Variants in LINGO2 observed in about 807,000 individuals in gnomAD.
LINGO2 encodes leucine-rich repeat and immunoglobulin-like domain-containing nogo receptor-interacting protein 2.
In LINGO2, 14 loss-of-function variants were observed where a neutral mutation model predicts 30.6. The observed-to-expected ratio is 0.46, with a 90% CI of 0.30 to 0.72. LINGO2 has a LOEUF of 0.72. Ranked by LOEUF, LINGO2 falls within the 30% of genes least tolerant of loss-of-function variation. The pLI is 0.07. For missense variants in LINGO2, 729 were observed against 751.7 expected (o/e 0.97, Z 0.35); for synonymous variants, 317 against 288.5 (o/e 1.10, Z -1.00).
intron 4 of LINGO2, among the ~76,000 whole-genome samples, chr9:28,288,100 C>T (rs528674570): frequency 6.6e-6 from 1 of 152,226 alleles, no homozygotes; most frequent in South Asian, 2.1e-4. Context: ...CCTACTTCCG[C>T]CCCACCCTTT....
In LINGO2 at chr9:28,396,722, T is replaced by A. The variant is rs1482908228; in HGVS notation, c.-278-23854A>T. 3.4e-3 allele frequency among the ~76,000 whole-genome samples: 119 copies of A among 34,606 alleles called. 2 individuals carry two copies. The highest frequency in any genetic ancestry group is 0.01 in the African/African-American group (111 of 11,030). The allele number at this position is 34,606 out of a possible 152,430, so 22.7% of individuals were successfully genotyped here. On this transcript the variant is annotated intron_variant, in intron 2 of 5. Coordinates refer to ENST00000379992, the Ensembl canonical transcript of LINGO2. ...CCATCTCAAAAAAAAAAAAAAAAAG[T>A]CCTGACCAAATCAAAGGGTCATCCA...
At chr9:28,696,654 G>C in the LINGO2 span, among the ~76,000 whole-genome samples, 1 of 151,826 alleles carries the variant, frequency 6.6e-6, no homozygotes, top group East Asian at 1.9e-4. Flanking sequence ...TATTAAGATA[G>C]GAGGATTAAG....
chr9:28,326,037 C>T (rs577866807), intron 3 of LINGO2, among the ~76,000 whole-genome samples: 5 of 152,298 alleles, frequency 3.3e-5, no homozygotes, highest in South Asian at 2.1e-4. Flanking sequence ...GACAAAGTCT[C>T]GCTCTGTCGC....
At chr9:28,172,034 C>CAA (rs11421803) in intron 4 of LINGO2, among the ~76,000 whole-genome samples, 2,296 of 98,702 alleles carry the variant, frequency 0.023, 127 homozygotes, top group African/African-American at 0.076. Flanking sequence ...AAAAAAAAAA[C>CAA]AAAAAAAAAA....
At chr9:29,180,490 T>G in the LINGO2 span, among the ~76,000 whole-genome samples, 2 of 152,174 alleles carry the variant, frequency 1.3e-5, no homozygotes, top group Non-Finnish European at 2.9e-5. Flanking sequence ...AAATCCAGAC[T>G]ACTGTAGCAG....
intron 1 of LINGO2, among the ~76,000 whole-genome samples, chr9:28,612,001 TA>T (rs1825939718): frequency 6.6e-6 from 1 of 151,924 alleles, no homozygotes. Context: ...TTTGTATTCT[TA>T]GTAGAGACAG....
intron 1 of LINGO2, among the ~76,000 whole-genome samples, chr9:28,494,071 T>G (rs1243347836): frequency 1.3e-5 from 2 of 152,170 alleles, no homozygotes; most frequent in Non-Finnish European, 1.5e-5. Flanking sequence ...CCTTGATTAA[T>G]ACACCTAGAA....
At chr9:28,626,599 C>A (rs543119649) in intron 1 of LINGO2, among the ~76,000 whole-genome samples, 1 of 152,144 alleles carries the variant, frequency 6.6e-6, no homozygotes, top group Non-Finnish European at 1.5e-5. Context: ...CAAAAACTTT[C>A]CTTCTTAATG....
At chr9:28,933,110 T>C in the LINGO2 span, among the ~76,000 whole-genome samples, 4 of 152,114 alleles carry the variant, frequency 2.6e-5, no homozygotes, top group East Asian at 3.9e-4. Flanking sequence ...TTTTGCCATG[T>C]TGCCCAGACT....
the LINGO2 span, among the ~76,000 whole-genome samples, chr9:29,067,213 A>G: frequency 6.6e-6 from 1 of 151,828 alleles, no homozygotes; most frequent in Non-Finnish European, 1.5e-5. Flanking sequence ...TTCTAAATCC[A>G]AAACTGAATA....
intron 4 of LINGO2, among the ~76,000 whole-genome samples, chr9:28,220,759 C>T (rs1820929643): frequency 6.6e-6 from 1 of 152,054 alleles, no homozygotes; most frequent in South Asian, 2.1e-4. Context: ...TACCATCGGT[C>T]TCCAGAAAAA....
chr9:28,532,154 C>G (rs983483499), intron 1 of LINGO2, among the ~76,000 whole-genome samples: 1 of 152,048 alleles, frequency 6.6e-6, no homozygotes, highest in Non-Finnish European at 1.5e-5. Flanking sequence ...TGATTTTTAA[C>G]AGACATTTTC....
intron 4 of LINGO2, among the ~76,000 whole-genome samples, chr9:28,238,849 T>G (rs1274048131): frequency 1.3e-5 from 2 of 151,596 alleles, no homozygotes; most frequent in African/African-American, 2.4e-5. Flanking sequence ...AAACAAATAG[T>G]TGTGATTTTT....
chr9:28,827,718 T>C, the LINGO2 span, among the ~76,000 whole-genome samples: 2 of 152,150 alleles, frequency 1.3e-5, no homozygotes, highest in African/African-American at 4.8e-5. Context: ...TGTACAAGAT[T>C]AAAATTAGCA....
intron 2 of LINGO2, among the ~76,000 whole-genome samples, chr9:28,436,357 G>A (rs553388965): frequency 5.9e-4 from 89 of 152,136 alleles, no homozygotes; most frequent in African/African-American, 2.1e-3. Context: ...ACCTGGAGAC[G>A]GTGATTGTCA....
chr9:28,063,957 A>T (rs1344969399), intron 4 of LINGO2, among the ~76,000 whole-genome samples: 2 of 152,102 alleles, frequency 1.3e-5, no homozygotes, highest in African/African-American at 4.8e-5. Context: ...CCTCAGTCAC[A>T]CCTCAATACA....
chr9:28,924,567 C>T, the LINGO2 span, among the ~76,000 whole-genome samples: 1 of 152,080 alleles, frequency 6.6e-6, no homozygotes, highest in East Asian at 1.9e-4. Context: ...AACAAACAAA[C>T]AAAACCTGGT....
chr9:28,005,671 CTG>C (rs1443947675), intron 5 of LINGO2, among the ~76,000 whole-genome samples: 5 of 151,924 alleles, frequency 3.3e-5, no homozygotes, highest in African/African-American at 1.2e-4. Context: ...TGATTTCAGT[CTG>C]AGATTCATTT....
chr9:28,892,973 G>A, the LINGO2 span, among the ~76,000 whole-genome samples: 1 of 152,006 alleles, frequency 6.6e-6, no homozygotes, highest in Non-Finnish European at 1.5e-5. Flanking sequence ...AGTGATAGCA[G>A]ATACTATAAG....
Sources: gnomAD v4.1 joint callset for allele counts (sites outside exome capture counted in the v4.1 genomes callset) on GRCh38, gnomAD v4.1.1 for gene constraint, MANE v1.5 for transcripts, NCBI Gene and HGNC (gene_info 2026-07-23, HGNC 2026-07-21) for gene names.